Variants in CPS1 observed in about 807,000 individuals in gnomAD.
The protein encoded by CPS1 is carbamoyl-phosphate synthase [ammonia], mitochondrial.
A neutral mutation model predicts 174.6 loss-of-function variants in CPS1; 109 were observed. The observed-to-expected ratio is 0.62, with a 90% CI of 0.53 to 0.73. The LOEUF (loss-of-function observed/expected upper bound fraction) is 0.73, where lower values mean the gene tolerates loss of function less well. CPS1 is among the 30% of genes least tolerant of loss of function. The pLI, the probability that CPS1 is intolerant of heterozygous loss-of-function variation, is 0.00. For synonymous variants in CPS1, 637 were observed against 632.0 expected (o/e 1.01, Z -0.12); for missense variants, 1,689 against 1,821.9 (o/e 0.93, Z 1.33).
In CPS1 at chr2:210,618,382, G is replaced by A. The variant is rs972742209; in HGVS notation, c.2687+1841G>A. On this transcript the variant is annotated intron_variant, in intron 21 of 37. Transcript: ENST00000233072. Reference sequence around the variant, plus strand: ...ACTTACACTTAAAATCATCTCTACTGTATAAATTTGTTTTTGATCCAGGGA... The same window carrying A: ...ACTTACACTTAAAATCATCTCTACTATATAAATTTGTTTTTGATCCAGGGA... 14 of 152,076 alleles carry A rather than the reference G, an allele frequency of 9.2e-5. 1 individual carries two copies. The highest frequency in any genetic ancestry group is 3.4e-4 in the African/African-American group (14 of 41,512). The allele number at this position is 152,076 out of a possible 1,614,324, so 9.4% of individuals were successfully genotyped here. A position where few individuals can be genotyped will look rare whatever the true frequency, so the allele number is the denominator to read the frequency against.
At chr2:210,573,044 A>G (rs1697566692) in intron 1 of CPS1, among the ~76,000 whole-genome samples, 1 of 152,062 alleles carries the variant, frequency 6.6e-6, no homozygotes, top group Non-Finnish European at 1.5e-5. Context: ...CTACAAGTAA[A>G]CTTAGAATAG....
At chr2:210,561,323 G>A (rs1278136520) in intron 1 of CPS1, among the ~76,000 whole-genome samples, 1 of 152,060 alleles carries the variant, frequency 6.6e-6, no homozygotes, top group Non-Finnish European at 1.5e-5. Context: ...CCCAGCTTTG[G>A]GTCAGAAGCT....
chr2:210,585,586 T>G (rs1461224493), intron 6 of CPS1, among the ~76,000 whole-genome samples: 2 of 151,936 alleles, frequency 1.3e-5, no homozygotes, highest in African/African-American at 4.8e-5. Context: ...GGCCATAGGA[T>G]TATACATAGG....
intron 18 of CPS1, 45 bp from the exon 19 acceptor site, chr2:210,608,316 A>G (rs779685110): frequency 6.3e-7 from 1 of 1,586,688 alleles, no homozygotes; most frequent in Non-Finnish European, 8.6e-7. Flanking sequence ...TCTGTTTTCA[A>G]TAATTGCTCG....
intron 22 of CPS1, among the ~76,000 whole-genome samples, chr2:210,638,226 A>G (rs1410753993): frequency 6.6e-6 from 1 of 152,234 alleles, no homozygotes; most frequent in African/African-American, 2.4e-5. Context: ...CCTCTTGAAA[A>G]TAATAGTTAT....
chr2:210,486,014 A>G (rs773385607), intron 1 of CPS1, among the ~76,000 whole-genome samples: 1 of 150,762 alleles, frequency 6.6e-6, no homozygotes, highest in Non-Finnish European at 1.5e-5. Context: ...CATGTCCCTA[A>G]TTACTAATGC....
At chr2:210,578,483 G>A (rs1697787292) in intron 4 of CPS1, among the ~76,000 whole-genome samples, 1 of 152,128 alleles carries the variant, frequency 6.6e-6, no homozygotes, top group African/African-American at 2.4e-5. Context: ...TAAGTTAATG[G>A]ACCTGCTTCA....
At chr2:210,675,596 A>C (rs900847177) in intron 35 of CPS1, 132 bp from the exon 36 acceptor site, 24 of 708,906 alleles carry the variant, frequency 3.4e-5, no homozygotes, top group Middle Eastern at 2.4e-4. Context: ...CTGTGAGTCC[A>C]AGTCTCTATC....
Position 210,590,839 on chromosome 2 carries a change from A to G in CPS1, c.880A>G (p.Ser294Gly). The G allele has an allele frequency of 6.2e-7, 1 of 1,611,324 alleles. No individual in the cohort carries two copies. Among genetic ancestry groups the G allele is most frequent in the Non-Finnish European group, 8.5e-7 (1 of 1,178,196 alleles). Reference sequence around the variant, plus strand: ...TCGCAAGGAGCCATTGTTTGGAATCAGTACAGGAAACTTAATAACAGGATT... The same window carrying G: ...TCGCAAGGAGCCATTGTTTGGAATCGGTACAGGAAACTTAATAACAGGATT... ...SDRKEPLFGI[S>G]TGNLITGLAA... is the part of the protein sequence containing the mutation. The change falls in exon 9 of 38, where the codon AGT (serine) becomes GGT (glycine). Residue 294 changes from serine to glycine, a missense_variant. Transcript: ENST00000233072.
At chr2:210,501,083 G>A (rs1375568380) in intron 1 of CPS1, among the ~76,000 whole-genome samples, 2 of 152,154 alleles carry the variant, frequency 1.3e-5, no homozygotes, top group Non-Finnish European at 2.9e-5. Context: ...GGCCAGAGCT[G>A]TACCTTGGGC....
intron 1 of CPS1, among the ~76,000 whole-genome samples, chr2:210,502,808 T>C (rs1035905504): frequency 6.6e-6 from 1 of 152,134 alleles, no homozygotes; most frequent in Non-Finnish European, 1.5e-5. Flanking sequence ...GTTCTCCCAG[T>C]AATGCAACAA....
At chr2:210,550,008 C>T (rs1009677745) in intron 1 of CPS1, among the ~76,000 whole-genome samples, 2 of 151,982 alleles carry the variant, frequency 1.3e-5, no homozygotes, top group African/African-American at 4.8e-5. Flanking sequence ...ATAAGACATT[C>T]TTTGCTATTT....
At chr2:210,555,483 A>C (rs2887913), upstream of CPS1, among the ~76,000 whole-genome samples, 61,747 of 151,820 alleles carry the variant, frequency 0.41, 12,767 homozygotes, top group Middle Eastern at 0.52. Context: ...AAGCACTTTG[A>C]AATCAAATAC....
At position 210,536,074 on chromosome 2, in the gene CPS1, A is replaced by G. The variant is rs1356503833; in HGVS notation, c.4-20645A>G. Among the ~76,000 whole-genome samples, 5 of 152,210 alleles carry G rather than the reference A, an allele frequency of 3.3e-5. No individual in the cohort carries two copies. In the South Asian group the frequency reaches 8.3e-4, roughly 25 times the overall value. On this transcript the variant is annotated intron_variant, in intron 1 of 38. Transcript: ENST00000430249. ...GGGATTCATGGTCAGGTCTGTTGAC[A>G]TTATCCTGCCATTTCCAATGCAAGT...
chr2:210,660,779 A>G (rs1700893460), intron 32 of CPS1, 124 bp downstream of exon 32: 2 of 949,736 alleles, frequency 2.1e-6, no homozygotes, highest in African/African-American at 1.6e-5. Flanking sequence ...AGGGATTTAC[A>G]TTTCCTTTCA....
chr2:210,665,399 T>A (rs1701060249), intron 33 of CPS1, among the ~76,000 whole-genome samples: 1 of 151,504 alleles, frequency 6.6e-6, no homozygotes, highest in South Asian at 2.1e-4. Context: ...TATGTATACA[T>A]GTGCCATGCT....
chr2:210,606,853 G>T lies in CPS1; in HGVS notation c.2104G>T (p.Ala702Ser). The T allele has an allele frequency of 6.2e-7, 1 of 1,612,636 alleles. No individual in the cohort carries two copies. The highest frequency in any genetic ancestry group is 8.5e-7 in the Non-Finnish European group (1 of 1,179,122). ...TGTGGGTGAATGCAACATTCAGTTT[G>T]CCCTTCATCCTACCTCAATGGAATA... ...GIVGECNIQF[A>S]LHPTSMEYCI... Residue 702 changes from alanine to serine, a missense_variant, in exon 18 of 38, where the codon GCC (alanine) becomes TCC (serine). Coordinates refer to ENST00000233072, the MANE Select transcript of CPS1 (RefSeq NM_001875.5).
At chr2:210,574,480 G>A (rs1343693267) in intron 2 of CPS1, among the ~76,000 whole-genome samples, 1 of 151,926 alleles carries the variant, frequency 6.6e-6, no homozygotes, top group Non-Finnish European at 1.5e-5. Context: ...TATTAGAGGG[G>A]TTTTTAAATA....
At chr2:210,617,300 C>G (rs1699343072) in intron 21 of CPS1, among the ~76,000 whole-genome samples, 1 of 151,972 alleles carries the variant, frequency 6.6e-6, no homozygotes, top group Non-Finnish European at 1.5e-5. Flanking sequence ...ATATAGTCCT[C>G]TTGAACTTCT....
Sources: gnomAD v4.1 joint callset for allele counts (sites outside exome capture counted in the v4.1 genomes callset) on GRCh38, gnomAD v4.1.1 for gene constraint, MANE v1.5 for transcripts, NCBI Gene and HGNC (gene_info 2026-07-23, HGNC 2026-07-21) for gene names.